OCA2: variants seen among roughly 807,000 people sequenced by gnomAD.
The protein encoded by OCA2 is P protein.
In OCA2, 77 loss-of-function variants were observed where a neutral mutation model predicts 100.2. That is an observed-to-expected ratio of 0.77 (90% CI 0.64 to 0.93). OCA2 has a LOEUF of 0.93. Ranked by LOEUF, OCA2 falls within the 40% of genes least tolerant of loss-of-function variation. The pLI, the probability that OCA2 is intolerant of heterozygous loss-of-function variation, is 0.00. For missense variants in OCA2, 1,062 were observed against 1,089.1 expected, an observed-to-expected ratio of 0.98 and a Z score of 0.35; for synonymous variants, 432 against 439.2, an observed-to-expected ratio of 0.98 and a Z score of 0.21.
At chr15:28,021,496 A>G (rs1208379721) in intron 6 of OCA2, among the ~76,000 whole-genome samples, 2 of 152,238 alleles carry the variant, frequency 1.3e-5, no homozygotes, top group Non-Finnish European at 2.9e-5. Flanking sequence ...GGCGGGATTC[A>G]GCCAGAAAAT....
chr15:27,896,638 CAA>C (rs58489908), intron 19 of OCA2: 51,607 of 141,088 alleles, frequency 0.37, 8,721 homozygotes, highest in Middle Eastern at 0.49. Flanking sequence ...TTATTGACAG[CAA>C]AAAAAAAAAA....
chr15:28,006,841 A>T (rs763524403), intron 9 of OCA2, among the ~76,000 whole-genome samples: 2 of 152,216 alleles, frequency 1.3e-5, no homozygotes, highest in Non-Finnish European at 2.9e-5. Flanking sequence ...GGAAAACCTA[A>T]CTTGGAGGTT....
chr15:28,001,502 C>A (rs1041294888), intron 9 of OCA2, among the ~76,000 whole-genome samples: 3 of 152,082 alleles, frequency 2.0e-5, no homozygotes, highest in Admixed American at 6.5e-5. Flanking sequence ...GGCACTGGGG[C>A]AGTGTGGTCA....
intron 1 of OCA2, among the ~76,000 whole-genome samples, chr15:28,087,038 A>G (rs2044787783): frequency 6.6e-6 from 1 of 152,188 alleles, no homozygotes; most frequent in South Asian, 2.1e-4. Context: ...ATGGCTGAAA[A>G]CTTCCTAAAT....
chr15:27,794,573 G>T (rs933200555), intron 23 of OCA2, among the ~76,000 whole-genome samples: 3 of 152,170 alleles, frequency 2.0e-5, no homozygotes, highest in Admixed American at 1.3e-4. Context: ...AAATACACGT[G>T]TGCAGATGCT....
chr15:28,047,608 G>T (rs529252983), intron 2 of OCA2, among the ~76,000 whole-genome samples: 4 of 152,248 alleles, frequency 2.6e-5, no homozygotes, highest in Admixed American at 2.6e-4. Flanking sequence ...GAAGAGAACT[G>T]CCTCAACGTG....
intron 23 of OCA2, among the ~76,000 whole-genome samples, chr15:27,813,335 C>T (rs1287763844): frequency 6.6e-6 from 1 of 152,146 alleles, no homozygotes; most frequent in African/African-American, 2.4e-5. Flanking sequence ...CTGACCCCAG[C>T]AGGAGGGGCT....
At chr15:27,759,765 T>C (rs1204144436) in intron 23 of OCA2, among the ~76,000 whole-genome samples, 15 of 152,258 alleles carry the variant, frequency 9.9e-5, no homozygotes, top group Admixed American at 9.2e-4. Flanking sequence ...CTATTATAGA[T>C]GGAGACTTTT....
At position 27,793,097 on chromosome 15, in the gene OCA2, AAAG is replaced by A. The variant is rs200434578; in HGVS notation, c.2433-37628_2433-37626del. On this transcript the variant is annotated intron_variant, in intron 23 of 23. Coordinates refer to ENST00000354638, the MANE Select transcript of OCA2 (RefSeq NM_000275.3). ...ATTTATCTTTATCCAACCAGCTTTG[AAAG>A]AAGAAGAACTGCAATGGAAGTAATT... Among the ~76,000 whole-genome samples the A allele has an allele frequency of 6.1e-3, 928 of 152,330 alleles. 15 individuals are homozygous for A. Among genetic ancestry groups the A allele is most frequent in the African/African-American group, 0.021 (865 of 41,572 alleles).
At chr15:27,902,209 T>TTG (rs142408617) in intron 19 of OCA2, among the ~76,000 whole-genome samples, 1 of 79,148 alleles carries the variant, frequency 1.3e-5, no homozygotes, top group South Asian at 6.2e-4. Flanking sequence ...AAAAAGTTGT[T>TTG]GTTGTTGTTG....
intron 1 of OCA2, among the ~76,000 whole-genome samples, chr15:28,082,620 T>C (rs1473955521): frequency 6.6e-6 from 1 of 152,218 alleles, no homozygotes; most frequent in Non-Finnish European, 1.5e-5. Context: ...TATGGATGTG[T>C]AAAGAATAAG....
intron 21 of OCA2, among the ~76,000 whole-genome samples, chr15:27,857,071 A>G (rs1012528532): frequency 7.2e-5 from 11 of 152,252 alleles, no homozygotes; most frequent in Non-Finnish European, 1.5e-4. Flanking sequence ...ATTATTAGTC[A>G]AAGATGTTAA....
At chr15:28,005,507 G>A (rs1324138124) in intron 9 of OCA2, among the ~76,000 whole-genome samples, 2 of 152,100 alleles carry the variant, frequency 1.3e-5, no homozygotes, top group Non-Finnish European at 2.9e-5. Flanking sequence ...GGCTCTAGAG[G>A]AGAATCCATC....
intron 23 of OCA2, among the ~76,000 whole-genome samples, chr15:27,825,239 C>T (rs534869618): frequency 6.6e-6 from 1 of 152,284 alleles, no homozygotes; most frequent in South Asian, 2.1e-4. Flanking sequence ...CCTCCCGCCC[C>T]AGAGCTGCCA....
intron 23 of OCA2, among the ~76,000 whole-genome samples, chr15:27,796,081 A>G (rs2033317954): frequency 6.6e-6 from 1 of 152,214 alleles, no homozygotes; most frequent in South Asian, 2.1e-4. Flanking sequence ...AGAAGGGAAA[A>G]GAAGATGCTC....
intron 14 of OCA2, among the ~76,000 whole-genome samples, chr15:27,979,806 C>T (rs12438364): frequency 0.21 from 30,808 of 150,186 alleles, 4,720 homozygotes; most frequent in East Asian, 0.85. Context: ...TTCAAGCAAT[C>T]CTTCTGCCTC....
At position 28,011,836 on chromosome 15, in the gene OCA2, C is replaced by A. The variant is rs576530096; in HGVS notation, c.1044+2940G>T. 4.0e-5 allele frequency among the ~76,000 whole-genome samples: 6 copies of A among 151,358 alleles called. 1 individual carries two copies. Among genetic ancestry groups the A allele is most frequent in the African/African-American group, 1.5e-4 (6 of 41,188 alleles). ...GGGAGGCTGAGGCAGGAGAATCACT[C>A]GAACCCAGGAGATGGTGTTGCAGTG... On this transcript the variant is annotated intron_variant, in intron 9 of 23. Transcript: ENST00000354638.
At chr15:28,025,097 G>A (rs73375883) in intron 4 of OCA2, among the ~76,000 whole-genome samples, 195 bp from the exon 5 acceptor site, 8,137 of 152,216 alleles carry the variant, frequency 0.053, 715 homozygotes, top group African/African-American at 0.19. Context: ...GAGCATGGTG[G>A]AGGTTCCAGA....
chr15:27,844,005 A>C (rs1409003517), intron 23 of OCA2, among the ~76,000 whole-genome samples: 1 of 152,210 alleles, frequency 6.6e-6, no homozygotes, highest in Non-Finnish European at 1.5e-5. Flanking sequence ...CTCCACAGGA[A>C]ACTTGCTCGA....
Sources: allele counts gnomAD v4.1 joint callset (sites outside exome capture counted in the v4.1 genomes callset), GRCh38; gene constraint gnomAD v4.1.1; transcripts MANE v1.5; gene names NCBI Gene and HGNC (gene_info 2026-07-23, HGNC 2026-07-21).